Variants in KPNB1 observed in about 807,000 individuals in gnomAD.
KPNB1 encodes the protein karyopherin subunit beta 1.
A neutral mutation model predicts 113.0 loss-of-function variants in KPNB1; 7 were observed. That is an observed-to-expected ratio of 0.06 (90% confidence interval 0.04 to 0.12). The LOEUF is 0.12. Among genes scored for constraint, KPNB1 ranks in the 10% least tolerant of loss-of-function variants. The pLI is 1.00. For synonymous variants in KPNB1, 363 were observed against 378.6 expected (o/e 0.96, Z 0.48); for missense variants, 400 against 1,054.8 (o/e 0.38, Z 8.60).
intron 5 of KPNB1, 133 bp downstream of exon 5, chr17:47,658,793 T>A (rs887882155): frequency 2.8e-6 from 2 of 723,818 alleles, no homozygotes; most frequent in African/African-American, 3.6e-5. Context: ...GTTTCCAGTT[T>A]AGTCGAGTTC....
intron 11 of KPNB1, 83 bp from the exon 12 acceptor site, chr17:47,670,619 C>T: frequency 6.9e-7 from 1 of 1,440,460 alleles, no homozygotes; most frequent in Non-Finnish European, 9.4e-7. Flanking sequence ...ACTGACACGG[C>T]CCAAAGTATC....
chr17:47,677,604 A>G (rs2030653935), intron 17 of KPNB1, among the ~76,000 whole-genome samples: 1 of 152,214 alleles, frequency 6.6e-6, no homozygotes, highest in South Asian at 2.1e-4. Flanking sequence ...AGTTAAAGGA[A>G]TGTGTGCTCT....
chr17:47,684,476 T>C lies in KPNB1; in HGVS notation c.*2072T>C, dbSNP rs1414234523. 1 of 152,144 alleles carries C rather than the reference T, an allele frequency of 6.6e-6. No individual in the cohort carries two copies. Among genetic ancestry groups the C allele is most frequent in the African/African-American group, 2.4e-5 (1 of 41,398 alleles). 9.4% of individuals were successfully genotyped at this position (152,144 alleles called of 1,614,324 possible). ...TGCCTTGTTTCCATTTCAGTTGTTC[T>C]TTGAGAGACAGAATGATGTACTAAC... On this transcript the variant is annotated 3_prime_UTR_variant, in exon 22 of 22. Transcript: ENST00000290158.
At chr17:47,676,540 C>CA in intron 16 of KPNB1, 49 bp downstream of exon 16, 2 of 1,356,414 alleles carry the variant, frequency 1.5e-6, no homozygotes, top group Non-Finnish European at 1.1e-6. Context: ...ATCTGACAGT[C>CA]ACTGTAGTGC....
intron 20 of KPNB1, 93 bp downstream of exon 20, chr17:47,680,227 C>T: frequency 1.1e-6 from 1 of 926,520 alleles, no homozygotes. Flanking sequence ...TCGCGGATGG[C>T]AACAGTTCAC....
rs3067142 is a variant in KPNB1 at position 47,653,271 on chromosome 17, A to AT, written c.282+416dup. Reference sequence around the variant, plus strand: ...GTACTTCTGGAGTACAGCTCAGGGAATTTTTTTTTTTTTTTTTTTTTGGAG... The same window carrying AT: ...GTACTTCTGGAGTACAGCTCAGGGAATTTTTTTTTTTTTTTTTTTTTTGGAG... On this transcript the variant is annotated intron_variant, in intron 3 of 21. Transcript: ENST00000290158. 2.5e-3 allele frequency among the ~76,000 whole-genome samples: 274 copies of AT among 109,852 alleles called. 4 individuals carry two copies. Among genetic ancestry groups the AT allele is most frequent in the East Asian group, 5.0e-3 (20 of 4,028 alleles). The allele number at this position is 109,852 out of a possible 152,430, so 72.1% of individuals were successfully genotyped here.
chr17:47,670,730 A>T lies in KPNB1; in HGVS notation c.1445A>T (p.Tyr482Phe). Reference protein sequence around the residue: ...WAFSSLAEAAYEAADVADDQE... With the variant: ...WAFSSLAEAAFEAADVADDQE... ...TTCTCCAGTCTGGCTGAAGCTGCTT[A>T]TGAAGCTGCAGACGTTGCTGATGAT... The change falls in exon 12 of 22, where the codon TAT becomes TTT. Residue 482 changes from tyrosine (Y) to phenylalanine (F), a missense_variant. Physicochemically the swap from Tyr to Phe is conservative, Grantham distance 22. This residue lies in a region of KPNB1 where 285 missense variants were observed against 627.0 expected (regional missense o/e 0.45). Transcript: ENST00000290158. 1 of 1,612,868 alleles carries T rather than the reference A, an allele frequency of 6.2e-7. No individual in the cohort carries two copies. Among genetic ancestry groups the T allele is most frequent in the South Asian group, 1.1e-5 (1 of 91,042 alleles).
At position 47,682,579 on chromosome 17, in the gene KPNB1, G is replaced by A. The variant is rs1178700420; in HGVS notation, c.*175G>A. ...TCCTGCCACAGCAGCAGCCGCAGCC[G>A]CCAACAGCAGCGCTGTTAGTGAGCT... On this transcript the variant is annotated 3_prime_UTR_variant, in exon 22 of 22. Transcript: ENST00000290158. 7 of 634,324 alleles carry A rather than the reference G, an allele frequency of 1.1e-5. No homozygotes were observed. Among genetic ancestry groups the A allele is most frequent in the East Asian group, 1.1e-4 (4 of 37,092 alleles). 39.3% of individuals were successfully genotyped at this position (634,324 alleles called of 1,614,324 possible). A position where few individuals can be genotyped will look rare whatever the true frequency, so the allele number is the denominator to read the frequency against.
chr17:47,650,585 C>G (rs1232440845), intron 2 of KPNB1, 141 bp downstream of exon 2: 2 of 755,362 alleles, frequency 2.6e-6, no homozygotes, highest in Non-Finnish European at 4.3e-6. Flanking sequence ...CCCCCCCCAA[C>G]CCGGTCCAAC....
At chr17:47,672,970 C>T (rs950850640) in intron 12 of KPNB1, 48 bp from the exon 13 acceptor site, 1 of 1,576,080 alleles carries the variant, frequency 6.3e-7, no homozygotes, top group East Asian at 2.3e-5. Context: ...ATGTTCTTCC[C>T]TGTCCTTTTC....
chr17:47,675,361 G>GTTTTTGTTTTTTTTTTTTT (rs2030568124), intron 15 of KPNB1, among the ~76,000 whole-genome samples: 15 of 88,690 alleles, frequency 1.7e-4, no homozygotes, highest in East Asian at 1.2e-3. Context: ...CAGAGGTGTT[G>GTTTTTGTTTTTTTTTTTTT]TTTTTTTTTT....
chr17:47,681,691 T>G (rs1004098132), intron 21 of KPNB1, among the ~76,000 whole-genome samples: 46 of 141,952 alleles, frequency 3.2e-4, no homozygotes, highest in Non-Finnish European at 5.2e-4. Flanking sequence ...TATAGGTTTT[T>G]TTTTTTTTTT....
intron 9 of KPNB1, among the ~76,000 whole-genome samples, chr17:47,666,912 C>T (rs1597931198): frequency 2.0e-5 from 3 of 151,156 alleles, no homozygotes; most frequent in East Asian, 2.0e-4. Flanking sequence ...CCACTGCACC[C>T]GGCCTCCTTT....
intron 5 of KPNB1, among the ~76,000 whole-genome samples, chr17:47,660,499 C>G (rs1366523539): frequency 6.6e-6 from 1 of 152,168 alleles, no homozygotes; most frequent in African/African-American, 2.4e-5. Context: ...GGGTCATGGT[C>G]TGAAAGTATT....
At chr17:47,673,249 CT>C in intron 13 of KPNB1, 84 bp downstream of exon 13, 2 of 1,304,538 alleles carry the variant, frequency 1.5e-6, no homozygotes, top group Non-Finnish European at 2.2e-6. Context: ...ACTGTTCTGT[CT>C]TTTTAGTGTT....
intron 19 of KPNB1, among the ~76,000 whole-genome samples, chr17:47,679,725 C>G (rs1170459043): frequency 6.7e-6 from 1 of 150,126 alleles, no homozygotes; most frequent in Non-Finnish European, 1.5e-5. Context: ...GAGATGGAAT[C>G]TTGCTCTGTC....
intron 12 of KPNB1, among the ~76,000 whole-genome samples, 183 bp from the exon 13 acceptor site, chr17:47,672,835 T>A (rs2143155934): frequency 6.6e-6 from 1 of 152,362 alleles, no homozygotes; most frequent in Non-Finnish European, 1.5e-5. Context: ...CTGGAGACCA[T>A]AATGAACATA....
intron 3 of KPNB1, among the ~76,000 whole-genome samples, chr17:47,656,272 A>G (rs1451745003): frequency 6.6e-6 from 1 of 151,928 alleles, no homozygotes; most frequent in Non-Finnish European, 1.5e-5. Flanking sequence ...AAAAAAAAAG[A>G]ATTCTGAGAC....
chr17:47,666,625 T>C (rs1394113915), intron 9 of KPNB1, among the ~76,000 whole-genome samples: 2 of 146,278 alleles, frequency 1.4e-5, no homozygotes, highest in Non-Finnish European at 3.0e-5. Flanking sequence ...ATATATTATA[T>C]ATATTTATTT....
Sources: gnomAD v4.1 joint callset for allele counts (sites outside exome capture counted in the v4.1 genomes callset) on GRCh38, gnomAD v4.1.1 for gene constraint, gnomAD v4.1.1 regional missense constraint, MANE v1.5 for transcripts, NCBI Gene and HGNC (gene_info 2026-07-23, HGNC 2026-07-21) for gene names.